Variants in MED14 observed in about 807,000 individuals in gnomAD.
The protein encoded by MED14 is mediator complex subunit 14, also known as mediator of RNA polymerase II transcription subunit 14.
In MED14, 8 loss-of-function variants were observed where a neutral mutation model predicts 109.0. The observed-to-expected ratio is 0.07, with a 90% CI of 0.04 to 0.13. The LOEUF (loss-of-function observed/expected upper bound fraction) is 0.13, where lower values mean the gene tolerates loss of function less well. Ranked by LOEUF, MED14 falls within the 10% of genes least tolerant of loss-of-function variation. The probability of loss-of-function intolerance (pLI) is 1.00; values close to 1 mark genes in which losing one functional copy is unlikely to be tolerated. For synonymous variants in MED14, 399 were observed against 408.7 expected (o/e 0.98, Z 0.29); for missense variants, 711 against 1,142.4 (o/e 0.62, Z 5.44).
Position 40,726,851 on chromosome X carries a change from C to T in MED14, c.243G>A (p.Arg81=). ...DLLPRKSDVE[R]KIEIVQFASR... ...TAGCAAACTGCACTATTTCTATTTTCCTATAAAATAAAACAACTCTTAATG... is the reference window on the plus strand; with the variant it reads ...TAGCAAACTGCACTATTTCTATTTTTCTATAAAATAAAACAACTCTTAATG... Residue 81 remains arginine (R), a splice_region_variant and synonymous_variant, in exon 3 of 31, where the codon AGG becomes AGA. Coordinates refer to ENST00000324817, the MANE Select transcript of MED14 (RefSeq NM_004229.4). The T allele has an allele frequency of 8.4e-7, 1 of 1,190,273 alleles. No homozygotes were observed. Among genetic ancestry groups the T allele is most frequent in the Non-Finnish European group, 1.1e-6 (1 of 881,462 alleles).
In MED14 at chrX:40,710,115, C is replaced by A; in HGVS notation, c.1037G>T (p.Gly346Val). 8.6e-7 allele frequency: 1 copy of A among 1,159,534 alleles called. No homozygotes were observed. The highest frequency in any genetic ancestry group is 1.1e-6 in the Non-Finnish European group (1 of 872,122). The change falls in exon 9 of 31, where the codon GGG becomes GTG. Residue 346 changes from glycine to valine, a missense_variant. Gly to Val is a moderately radical substitution (Grantham distance 109). Transcript: ENST00000324817. ...SLSVWNQQVLGRKTGTASVHK... is the reference protein window; with the variant it reads ...SLSVWNQQVLVRKTGTASVHK... ...AACAGATGCTGTTCCAGTTTTTCTC[C>A]CAAGAACCTGTTGACTAAAGAAAAA...
chrX:40,728,472 T>C (rs1419306717), intron 2 of MED14, among the ~76,000 whole-genome samples: 1 of 110,643 alleles, frequency 9.0e-6, no homozygotes, highest in East Asian at 2.8e-4. Context: ...AAAAGTTAAG[T>C]TGGGGTTGGC....
intron 22 of MED14, 23 bp downstream of exon 22, chrX:40,675,198 T>C (rs764713399): frequency 1.6e-4 from 183 of 1,137,826 alleles, no homozygotes; most frequent in South Asian, 1.5e-3. Flanking sequence ...GTGATACCAC[T>C]TGGAATTCTG....
At chrX:40,673,846 C>CAAAA (rs138556866) in intron 22 of MED14, among the ~76,000 whole-genome samples, 2 of 86,780 alleles carry the variant, frequency 2.3e-5, no homozygotes, top group Non-Finnish European at 4.5e-5. Flanking sequence ...AACTCCATCT[C>CAAAA]AAAAAAAAAA....
intron 9 of MED14, 33 bp from the exon 10 acceptor site, chrX:40,709,492 C>A: frequency 2.6e-6 from 2 of 763,189 alleles, no homozygotes; most frequent in Admixed American, 3.1e-5. Flanking sequence ...TTCAAATGTG[C>A]AATTTAAACA....
chrX:40,707,530 C>T (rs1322611654), intron 10 of MED14, among the ~76,000 whole-genome samples: 1 of 111,727 alleles, frequency 9.0e-6, no homozygotes, highest in Non-Finnish European at 1.9e-5. Flanking sequence ...GAAAAACAAC[C>T]CCAATGTTCA....
At position 40,664,419 on chromosome X, in the gene MED14, A is replaced by C; in HGVS notation, c.3336T>G (p.Ser1112=). Reference sequence around the variant, plus strand: ...CTGGTGAGGGGCCAGACACTTGAGGAGATCCTGGCCAGTTCCCTGCTCGTC... The same window carrying C: ...CTGGTGAGGGGCCAGACACTTGAGGCGATCCTGGCCAGTTCCCTGCTCGTC... The part of the protein sequence containing the change: ...PSGRAGNWPG[S]PQVSGPSPAA... Residue 1112 remains serine (S), a synonymous_variant, in exon 25 of 31, where the codon TCT becomes TCG. Transcript: ENST00000324817. The C allele has an allele frequency of 8.3e-7, 1 of 1,197,832 alleles. No individual in the cohort carries two copies. The highest frequency in any genetic ancestry group is 2.3e-5 in the Admixed American group (1 of 44,135).
At chrX:40,682,109 C>T (rs1410772330) in intron 18 of MED14, among the ~76,000 whole-genome samples, 166 bp from the exon 19 acceptor site, 3 of 111,527 alleles carry the variant, frequency 2.7e-5, no homozygotes, top group Non-Finnish European at 5.7e-5. Flanking sequence ...AATATGCTTC[C>T]GTTTCTACAA....
In MED14 at chrX:40,681,039, A is replaced by G. The variant is rs950078932; in HGVS notation, c.2458-129T>C. 2.5e-5 allele frequency: 12 copies of G among 473,896 alleles called. No individual in the cohort carries two copies. In the African/African-American group the frequency reaches 2.7e-4, roughly 11 times the overall value. 39.1% of individuals were successfully genotyped at this position (473,896 alleles called of 1,213,427 possible). ...GGAATTTTTTTTTGGAAAACAAGCA[A>G]TAAAATAAGACTGGATTCGAACTCC... On this transcript the variant is annotated intron_variant, in intron 19 of 30. Coordinates refer to ENST00000324817, the MANE Select transcript of MED14 (RefSeq NM_004229.4).
rs762736787 is a variant in MED14 at position 40,723,661 on chromosome X, G to A, written c.348+3085C>T. Among the ~76,000 whole-genome samples, 129 of 50,039 alleles carry A rather than the reference G, an allele frequency of 2.6e-3. 1 individual carries two copies. The highest frequency in any genetic ancestry group is 3.3e-3 in the Non-Finnish European group (108 of 32,729). 43.5% of individuals were successfully genotyped at this position (50,039 alleles called of 115,157 possible). A position where few individuals can be genotyped will look rare whatever the true frequency, so the allele number is the denominator to read the frequency against. ...AGCCTGGGCAACAGAGTGAGACTCCGTCTCAGAAAAAAAAAAAAAAAAAAA... is the reference window on the plus strand; with the variant it reads ...AGCCTGGGCAACAGAGTGAGACTCCATCTCAGAAAAAAAAAAAAAAAAAAA... On this transcript the variant is annotated intron_variant, in intron 3 of 30. Coordinates refer to ENST00000324817, the MANE Select transcript of MED14 (RefSeq NM_004229.4).
chrX:40,701,264 T>C, intron 11 of MED14, 21 bp from the exon 12 acceptor site: 1 of 1,058,632 alleles, frequency 9.4e-7, no homozygotes, highest in Non-Finnish European at 1.3e-6. Flanking sequence ...AAGCACTTCA[T>C]TAATTAATTG....
intron 3 of MED14, among the ~76,000 whole-genome samples, chrX:40,725,036 A>G (rs1469549188): frequency 8.9e-6 from 1 of 111,986 alleles, no homozygotes; most frequent in Non-Finnish European, 1.9e-5. Flanking sequence ...GTAAGCAACT[A>G]TATGACAATA....
intron 22 of MED14, among the ~76,000 whole-genome samples, chrX:40,673,562 C>G (rs1035548080): frequency 1.8e-5 from 2 of 111,700 alleles, no homozygotes; most frequent in Non-Finnish European, 3.8e-5. Flanking sequence ...TGCAGGCTCT[C>G]ACTGTGTCAA....
intron 10 of MED14, among the ~76,000 whole-genome samples, chrX:40,709,060 G>A (rs1050679073): frequency 4.5e-5 from 5 of 110,729 alleles, no homozygotes; most frequent in Non-Finnish European, 7.6e-5. Flanking sequence ...CTTACATCTC[G>A]GCCTCCCAAA....
At chrX:40,680,155 A>T in intron 20 of MED14, 22 bp from the exon 21 acceptor site, 9 of 1,197,279 alleles carry the variant, frequency 7.5e-6, no homozygotes, top group Non-Finnish European at 1.0e-5. Flanking sequence ...AAACACAGTG[A>T]GAGCAGCCAG....
At position 40,650,456 on chromosome X, in the gene MED14, T is replaced by C. The variant is rs754909404; in HGVS notation, c.*1350A>G. The C allele has an allele frequency of 1.3e-6, 1 of 752,868 alleles. No individual in the cohort carries two copies. Among genetic ancestry groups the C allele is most frequent in the Non-Finnish European group, 1.6e-6 (1 of 639,019 alleles). 62.0% of individuals were successfully genotyped at this position (752,868 alleles called of 1,213,427 possible). On this transcript the variant is annotated 3_prime_UTR_variant, in exon 31 of 31. Transcript: ENST00000324817. Reference sequence around the variant, plus strand: ...ATTAGACAAAGCATCTACATTTTAATGGAGAACCAGTATTACAGTGACCAG... The same window carrying C: ...ATTAGACAAAGCATCTACATTTTAACGGAGAACCAGTATTACAGTGACCAG...
chrX:40,721,646 A>T (rs1476095685), intron 3 of MED14, among the ~76,000 whole-genome samples: 3 of 112,297 alleles, frequency 2.7e-5, no homozygotes, highest in Non-Finnish European at 5.6e-5. Context: ...AGTGAAGGTA[A>T]GTGGTAGCCA....
chrX:40,731,226 G>C (rs149986913), intron 1 of MED14, among the ~76,000 whole-genome samples: 1,910 of 109,632 alleles, frequency 0.017, 16 homozygotes, highest in Middle Eastern at 0.062. Flanking sequence ...GTATGTTGAG[G>C]GGGAAGGGAG....
At chrX:40,664,907 C>T (rs1929420024) in intron 24 of MED14, among the ~76,000 whole-genome samples, 1 of 111,385 alleles carries the variant, frequency 9.0e-6, no homozygotes, top group Non-Finnish European at 1.9e-5. Flanking sequence ...TTTCCATATT[C>T]TTTATTTAGA....
Sources: allele counts gnomAD v4.1 joint callset (sites outside exome capture counted in the v4.1 genomes callset), GRCh38; gene constraint gnomAD v4.1.1; transcripts MANE v1.5; gene names NCBI Gene and HGNC (gene_info 2026-07-23, HGNC 2026-07-21).